Variants in BMPR1B observed in about 807,000 individuals in gnomAD.
BMPR1B encodes the protein bone morphogenetic protein receptor type 1B, also known as bone morphogenetic protein receptor type-1B.
In BMPR1B, 12 loss-of-function variants were observed where a neutral mutation model predicts 59.1. The ratio of observed to expected loss-of-function variants is 0.20; its 90% CI spans 0.13 to 0.33. The LOEUF (loss-of-function observed/expected upper bound fraction) is 0.33, where lower values mean the gene tolerates loss of function less well. BMPR1B is among the 10% of genes least tolerant of loss of function. The pLI is 1.00. For synonymous variants in BMPR1B, 237 were observed against 207.3 expected (o/e 1.14, Z -1.23); for missense variants, 550 against 610.9 (o/e 0.90, Z 1.05).
At position 94,846,722 on chromosome 4, in the gene BMPR1B, T is replaced by C. The variant is rs570977304; in HGVS notation, c.-182-29109T>C. ...ATGTATATATGTATCTATATATCTA[T>C]ATATCTATATCTATATATCCATTCC... On this transcript the variant is annotated intron_variant, in intron 1 of 12. Transcript: ENST00000515059. Among the ~76,000 whole-genome samples the C allele has an allele frequency of 1.0e-3, 26 of 25,076 alleles. No homozygotes were observed. The East Asian group carries it at 0.015, about 15-fold the overall frequency. The allele number at this position is 25,076 out of a possible 152,430, so 16.5% of individuals were successfully genotyped here.
intron 3 of BMPR1B, chr4:95,051,776 A>C (rs1726522579): frequency 5.9e-6 from 9 of 1,535,382 alleles, no homozygotes; most frequent in Non-Finnish European, 7.8e-6. Context: ...ACAAGGGGTA[A>C]GAAGATCAGT....
intron 3 of BMPR1B, among the ~76,000 whole-genome samples, chr4:95,009,953 G>A (rs1420934694): frequency 6.6e-6 from 1 of 152,160 alleles, no homozygotes; most frequent in Admixed American, 6.6e-5. Context: ...ACAACCGAGC[G>A]AGACCAAATG....
intron 2 of BMPR1B, among the ~76,000 whole-genome samples, chr4:94,986,495 A>G (rs1721414793): frequency 6.6e-6 from 1 of 152,204 alleles, no homozygotes; most frequent in South Asian, 2.1e-4. Context: ...TTTACGTGAC[A>G]ATGTTCAGAT....
intron 2 of BMPR1B, among the ~76,000 whole-genome samples, chr4:94,933,532 C>T (rs1194634778): frequency 6.6e-6 from 1 of 151,992 alleles, no homozygotes; most frequent in Non-Finnish European, 1.5e-5. Context: ...ATAGGATTGT[C>T]TGGAGAAACT....
chr4:94,926,669 C>T (rs999989918), intron 2 of BMPR1B, among the ~76,000 whole-genome samples: 2 of 151,988 alleles, frequency 1.3e-5, no homozygotes, highest in Admixed American at 1.3e-4. Flanking sequence ...AAAACTGTCA[C>T]TATTTTCTTG....
intron 2 of BMPR1B, among the ~76,000 whole-genome samples, chr4:94,917,856 G>A (rs369301867): frequency 9.9e-5 from 15 of 152,164 alleles, no homozygotes; most frequent in African/African-American, 3.6e-4. Context: ...AGTGCTGGAG[G>A]TGAGACCTGG....
chr4:94,886,007 A>G (rs1346701537), intron 2 of BMPR1B, among the ~76,000 whole-genome samples: 3 of 152,200 alleles, frequency 2.0e-5, no homozygotes, highest in South Asian at 2.1e-4. Flanking sequence ...TTTAGTTACA[A>G]TAAATGTAAA....
At chr4:95,001,209 A>T (rs972638421) in intron 3 of BMPR1B, among the ~76,000 whole-genome samples, 2 of 152,130 alleles carry the variant, frequency 1.3e-5, no homozygotes, top group African/African-American at 4.8e-5. Context: ...CATCATTTAC[A>T]TAAGGCCAGT....
At chr4:95,113,434 A>G (rs1349963781) in intron 4 of BMPR1B, among the ~76,000 whole-genome samples, 2 of 152,198 alleles carry the variant, frequency 1.3e-5, no homozygotes, top group African/African-American at 2.4e-5. Context: ...AAGGGCTAAC[A>G]TATAGCAGCA....
intron 1 of BMPR1B, among the ~76,000 whole-genome samples, chr4:94,770,299 A>T (rs1482866390): frequency 6.6e-6 from 1 of 151,386 alleles, no homozygotes; most frequent in Non-Finnish European, 1.5e-5. Context: ...TTTCAAGTAA[A>T]GATGAACTCT....
At chr4:95,049,126 T>A (rs918822974) in intron 3 of BMPR1B, among the ~76,000 whole-genome samples, 3 of 151,990 alleles carry the variant, frequency 2.0e-5, no homozygotes, top group Non-Finnish European at 4.4e-5. Context: ...TCCAGAAGTC[T>A]TTTTGGAGAT....
chr4:94,955,507 C>T (rs1476082830), intron 2 of BMPR1B, among the ~76,000 whole-genome samples: 3 of 152,034 alleles, frequency 2.0e-5, no homozygotes, highest in African/African-American at 7.2e-5. Flanking sequence ...GTGGACTGGA[C>T]CTTCAGTCAG....
chr4:95,041,961 A>G (rs1725687522), intron 3 of BMPR1B, among the ~76,000 whole-genome samples: 1 of 151,862 alleles, frequency 6.6e-6, no homozygotes, highest in Non-Finnish European at 1.5e-5. Flanking sequence ...GCTTCATGCC[A>G]TTCTACTGCC....
chr4:94,787,141 A>G (rs1722792700), intron 1 of BMPR1B, among the ~76,000 whole-genome samples: 3 of 152,190 alleles, frequency 2.0e-5, no homozygotes, highest in African/African-American at 2.4e-5. Flanking sequence ...CTGATGGCAG[A>G]TGGGTCATCT....
chr4:94,820,665 C>T (rs955366702), intron 1 of BMPR1B, among the ~76,000 whole-genome samples: 3 of 152,108 alleles, frequency 2.0e-5, no homozygotes, highest in Non-Finnish European at 4.4e-5. Context: ...GTTAGTTGTA[C>T]GTAGACTCAG....
chr4:95,116,388 T>C (rs1732036186), intron 6 of BMPR1B, among the ~76,000 whole-genome samples: 2 of 137,512 alleles, frequency 1.5e-5, no homozygotes, highest in East Asian at 4.2e-4. Context: ...AGGTCTCATG[T>C]TCCCTTTCTC....
chr4:94,817,598 G>A (rs1193412324), intron 1 of BMPR1B, among the ~76,000 whole-genome samples: 1 of 151,796 alleles, frequency 6.6e-6, no homozygotes, highest in Non-Finnish European at 1.5e-5. Context: ...ATATGCTTCT[G>A]TTGTTCTATT....
chr4:95,042,990 A>G (rs1725765768), intron 3 of BMPR1B, among the ~76,000 whole-genome samples: 1 of 150,868 alleles, frequency 6.6e-6, no homozygotes, highest in African/African-American at 2.4e-5. Flanking sequence ...CCTGGCTAAC[A>G]AGGTGAAACC....
intron 3 of BMPR1B, among the ~76,000 whole-genome samples, chr4:95,090,372 TTTG>T: frequency 6.6e-6 from 1 of 151,936 alleles, no homozygotes; most frequent in Non-Finnish European, 1.5e-5. Context: ...AATTTTTTGG[TTTG>T]TTTTTAACCA....
Sources: allele counts gnomAD v4.1 joint callset (sites outside exome capture counted in the v4.1 genomes callset), GRCh38; gene constraint gnomAD v4.1.1; transcripts MANE v1.5; gene names NCBI Gene and HGNC (gene_info 2026-07-23, HGNC 2026-07-21).